SEMA3D: variants seen among roughly 807,000 people sequenced by gnomAD.
The protein encoded by SEMA3D is semaphorin-3D.
In SEMA3D, 84 loss-of-function variants were observed where a neutral mutation model predicts 100.1. That is an observed-to-expected ratio of 0.84 (90% CI 0.70 to 1.01). The LOEUF (loss-of-function observed/expected upper bound fraction) is 1.01. Among genes scored for constraint, SEMA3D ranks in the 50% least tolerant of loss-of-function variants. The pLI, the probability that SEMA3D is intolerant of heterozygous loss-of-function variation, is 0.00. For synonymous variants in SEMA3D, 312 were observed against 320.7 expected (o/e 0.97, Z 0.29); for missense variants, 875 against 934.1 (o/e 0.94, Z 0.82).
In SEMA3D at chr7:85,156,528, T is replaced by A. The variant is rs1253013683; in HGVS notation, c.-172-2789A>T. Among the ~76,000 whole-genome samples the A allele has an allele frequency of 3.9e-5, 6 of 152,180 alleles. No individual in the cohort carries two copies. The East Asian group carries it at 1.2e-3, about 29-fold the overall frequency. On this transcript the variant is annotated intron_variant, in intron 1 of 18. Coordinates refer to ENST00000284136, the MANE Select transcript of SEMA3D (RefSeq NM_001384900.1). ...AGTATAAAGTTATAAAAATCACATTTCAGAAAAATAATATCGCTTTAAGAC... is the reference window on the plus strand; with the variant it reads ...AGTATAAAGTTATAAAAATCACATTACAGAAAAATAATATCGCTTTAAGAC...
chr7:85,203,092 G>A, the SEMA3D span, among the ~76,000 whole-genome samples: 1 of 152,162 alleles, frequency 6.6e-6, no homozygotes, highest in Admixed American at 6.5e-5. Context: ...GATTTCAGCA[G>A]TTCTCCTCAT....
chr7:85,141,568 A>G (rs1790053315), intron 2 of SEMA3D: 1 of 984,694 alleles, frequency 1.0e-6, no homozygotes, highest in Non-Finnish European at 1.2e-6. Flanking sequence ...CTATTACTGA[A>G]ATTTAAATTA....
chr7:85,123,945 CT>C (rs1318982621), intron 2 of SEMA3D, among the ~76,000 whole-genome samples: 76 of 152,126 alleles, frequency 5.0e-4, no homozygotes, highest in African/African-American at 1.8e-3. Flanking sequence ...ACAGGAATGT[CT>C]TTCTGACCAA....
chr7:85,207,361 A>G, the SEMA3D span, among the ~76,000 whole-genome samples: 55 of 152,230 alleles, frequency 3.6e-4, no homozygotes, highest in Middle Eastern at 0.01. Flanking sequence ...AGGTTTCAAT[A>G]AATATCTAAA....
At chr7:85,195,434 T>C in the SEMA3D span, among the ~76,000 whole-genome samples, 2 of 152,110 alleles carry the variant, frequency 1.3e-5, no homozygotes, top group East Asian at 1.9e-4. Context: ...TTCTTTCTCC[T>C]TTTTTTCTTT....
At chr7:85,110,582 T>A (rs1789066683) in intron 3 of SEMA3D, among the ~76,000 whole-genome samples, 1 of 151,982 alleles carries the variant, frequency 6.6e-6, no homozygotes, top group African/African-American at 2.4e-5. Context: ...ACAAGATGCA[T>A]TTATTATGCA....
chr7:85,168,326 G>T lies in SEMA3D; in HGVS notation c.-172-14587C>A, dbSNP rs574406476. 4.3e-4 allele frequency among the ~76,000 whole-genome samples: 65 copies of T among 151,882 alleles called. 1 individual carries two copies. The Middle Eastern group carries it at 0.014, about 32-fold the overall frequency. Reference sequence around the variant, plus strand: ...CAAGTTTTCCAAGCAATATCTAACAGCAAATACTACTTAACTTTTTATCAA... The same window carrying T: ...CAAGTTTTCCAAGCAATATCTAACATCAAATACTACTTAACTTTTTATCAA... On this transcript the variant is annotated intron_variant, in intron 1 of 18. Transcript: ENST00000284136.
chr7:85,167,076 G>A (rs1790926015), intron 1 of SEMA3D: 1 of 156,180 alleles, frequency 6.4e-6, no homozygotes, highest in Non-Finnish European at 1.4e-5. Context: ...CCATTAGGAT[G>A]GCTGGAGAAA....
chr7:85,192,871 T>C, the SEMA3D span, among the ~76,000 whole-genome samples: 1 of 152,150 alleles, frequency 6.6e-6, no homozygotes, highest in African/African-American at 2.4e-5. Context: ...ACTTTTATTC[T>C]TGAGTTTGTC....
chr7:85,149,161 T>A (rs1790295199), intron 2 of SEMA3D, among the ~76,000 whole-genome samples: 1 of 152,064 alleles, frequency 6.6e-6, no homozygotes, highest in African/African-American at 2.4e-5. Context: ...AAAGTAACAC[T>A]TGGCCAGGCG....
chr7:85,174,860 C>A (rs1791184155), intron 1 of SEMA3D, among the ~76,000 whole-genome samples: 1 of 151,810 alleles, frequency 6.6e-6, no homozygotes, highest in African/African-American at 2.4e-5. Flanking sequence ...AAGAGCACAG[C>A]AAAACTGTAG....
chr7:85,043,732 G>C (rs1350655289), intron 9 of SEMA3D, among the ~76,000 whole-genome samples: 1 of 152,062 alleles, frequency 6.6e-6, no homozygotes, highest in Admixed American at 6.6e-5. Context: ...CACGAGATCT[G>C]ATGGTTTTAA....
intron 3 of SEMA3D, among the ~76,000 whole-genome samples, chr7:85,098,339 A>G (rs1331475785): frequency 2.0e-5 from 3 of 151,890 alleles, no homozygotes; most frequent in Non-Finnish European, 4.4e-5. Context: ...ACATGTAAAT[A>G]TACAAAAAAT....
At chr7:85,094,409 C>T (rs751965211) in intron 4 of SEMA3D, among the ~76,000 whole-genome samples, 6 of 152,004 alleles carry the variant, frequency 3.9e-5, no homozygotes, top group Admixed American at 2.0e-4. Context: ...GGTATTATCA[C>T]TCACACTAGA....
intron 12 of SEMA3D, among the ~76,000 whole-genome samples, chr7:85,027,104 G>T (rs546096015): frequency 2.9e-4 from 44 of 152,172 alleles, no homozygotes; most frequent in African/African-American, 1.0e-3. Flanking sequence ...CTCAGGCATG[G>T]CAGTGATGCC....
Position 85,022,520 on chromosome 7 carries a change from T to C in SEMA3D, c.1285A>G (p.Lys429Glu). The C allele has an allele frequency of 1.2e-6, 2 of 1,612,488 alleles. No individual in the cohort carries two copies. Among genetic ancestry groups the C allele is most frequent in the Non-Finnish European group, 1.7e-6 (2 of 1,178,898 alleles). The change falls in exon 13 of 19, where the codon AAG (lysine) becomes GAG (glutamate). Residue 429 changes from lysine to glutamate, a missense_variant. By Grantham distance (56) the Lys-to-Glu change is moderately conservative. Coordinates refer to ENST00000284136, the MANE Select transcript of SEMA3D (RefSeq NM_001384900.1). ...SFIKRHSVMY[K>E]SVYPVAGGPT... is the part of the protein sequence containing the mutation. ...CCTCCTGCAACTGGGTATACGGACTTATACATCACAGAGTGCCGCTTTATG... is the reference window on the plus strand; with the variant it reads ...CCTCCTGCAACTGGGTATACGGACTCATACATCACAGAGTGCCGCTTTATG...
the SEMA3D span, among the ~76,000 whole-genome samples, chr7:85,206,466 C>A: frequency 6.6e-6 from 1 of 152,000 alleles, no homozygotes; most frequent in African/African-American, 2.4e-5. Context: ...ACATCATATG[C>A]CTATTGTAGT....
chr7:85,212,512 T>G, the SEMA3D span, among the ~76,000 whole-genome samples: 1 of 152,080 alleles, frequency 6.6e-6, no homozygotes, highest in Non-Finnish European at 1.5e-5. Context: ...TGTGGTTTCT[T>G]CCACTTATCA....
At chr7:85,200,330 A>G in the SEMA3D span, among the ~76,000 whole-genome samples, 1 of 152,312 alleles carries the variant, frequency 6.6e-6, no homozygotes, top group Non-Finnish European at 1.5e-5. Context: ...GTTGTTAGGG[A>G]TATGGACAAT....
Sources: gnomAD v4.1 joint callset for allele counts (sites outside exome capture counted in the v4.1 genomes callset) on GRCh38, gnomAD v4.1.1 for gene constraint, MANE v1.5 for transcripts, NCBI Gene and HGNC (gene_info 2026-07-23, HGNC 2026-07-21) for gene names.